CFAP68: variants seen among roughly 807,000 people sequenced by gnomAD.
CFAP68 encodes cilia- and flagella-associated protein 68.
chr11:111,882,554 T>C, the CFAP68 span: 2 of 1,613,304 alleles, frequency 1.2e-6, no homozygotes, highest in Non-Finnish European at 1.7e-6. Flanking sequence ...CCAGGAAAGA[T>C]ATGACCTGAG....
At chr11:111,883,135 G>A in the CFAP68 span, 2 of 1,573,366 alleles carry the variant, frequency 1.3e-6, no homozygotes, top group Non-Finnish European at 1.7e-6. Flanking sequence ...TTTCTTTCCA[G>A]TTTGGACACT....
At chr11:111,881,885 A>G in the CFAP68 span, among the ~76,000 whole-genome samples, 1 of 152,182 alleles carries the variant, frequency 6.6e-6, no homozygotes, top group East Asian at 1.9e-4. Flanking sequence ...GGAAAGATAA[A>G]GTTTTATGTG....
At chr11:111,882,401 C>G in the CFAP68 span, 2 of 1,614,072 alleles carry the variant, frequency 1.2e-6, no homozygotes, top group East Asian at 4.5e-5. Flanking sequence ...CACAAACCCA[C>G]ACTGTGGCAG....
chr11:111,884,032 A>G, the CFAP68 span: 122 of 562,326 alleles, frequency 2.2e-4, no homozygotes, highest in Non-Finnish European at 3.5e-4. Flanking sequence ...TCACTGTAAC[A>G]CAGTTTCACT....
chr11:111,885,324 T>C, the CFAP68 span: 1 of 151,910 alleles, frequency 6.6e-6, no homozygotes, highest in Non-Finnish European at 1.5e-5. Context: ...CCAAAAAAAA[T>C]TTTTTTAAAG....
the CFAP68 span, chr11:111,880,926 A>G: frequency 1.5e-5 from 6 of 387,836 alleles, no homozygotes; most frequent in Non-Finnish European, 3.1e-5. Flanking sequence ...AGATGATACA[A>G]TTATACTTTC....
chr11:111,880,986 G>A, the CFAP68 span: 1 of 329,690 alleles, frequency 3.0e-6, no homozygotes, highest in Non-Finnish European at 6.0e-6. Context: ...AGAGGAACAA[G>A]GCTGATGGCA....
At chr11:111,881,158 C>T in the CFAP68 span, 1 of 1,206,332 alleles carries the variant, frequency 8.3e-7, no homozygotes, top group Non-Finnish European at 1.0e-6. Flanking sequence ...CAAAGATAAG[C>T]CCCAGGCTTC....
chr11:111,879,813 C>T, the CFAP68 span, among the ~76,000 whole-genome samples: 1 of 152,022 alleles, frequency 6.6e-6, no homozygotes, highest in Non-Finnish European at 1.5e-5. Flanking sequence ...CACAGAAGAA[C>T]GTTACCAAGT....
chr11:111,884,484 A>AT, the CFAP68 span: 3 of 151,768 alleles, frequency 2.0e-5, no homozygotes, highest in Non-Finnish European at 4.4e-5. Flanking sequence ...AAAAAAAAAA[A>AT]AAAAAAAAGA....
At chr11:111,880,605 G>T in the CFAP68 span, among the ~76,000 whole-genome samples, 1 of 152,228 alleles carries the variant, frequency 6.6e-6, no homozygotes, top group African/African-American at 2.4e-5. Context: ...GGTCTAAAAA[G>T]TGGAGGTATG....
the CFAP68 span, chr11:111,881,159 C>G: frequency 1.6e-6 from 2 of 1,212,630 alleles, no homozygotes; most frequent in Middle Eastern, 3.4e-4. Flanking sequence ...AAAGATAAGC[C>G]CCAGGCTTCT....
the CFAP68 span, chr11:111,880,901 A>G: frequency 2.4e-6 from 1 of 413,118 alleles, no homozygotes; most frequent in Non-Finnish European, 4.8e-6. Context: ...AGCCACTGAA[A>G]GATTTTAAAT....
the CFAP68 span, chr11:111,881,104 A>C: frequency 1.2e-6 from 1 of 846,374 alleles, no homozygotes; most frequent in South Asian, 2.2e-5. Flanking sequence ...TTCAAAAATC[A>C]ACAAGACTTA....
At chr11:111,882,558 A>T in the CFAP68 span, 1 of 1,612,304 alleles carries the variant, frequency 6.2e-7, no homozygotes. Flanking sequence ...GAAAGATATG[A>T]CCTGAGGAAT....
At chr11:111,882,753 A>G in the CFAP68 span, among the ~76,000 whole-genome samples, 1 of 152,270 alleles carries the variant, frequency 6.6e-6, no homozygotes, top group South Asian at 2.1e-4. Context: ...CCGCAGCTGA[A>G]CCACCTATGC....
chr11:111,885,915 A>G, the CFAP68 span: 1 of 152,118 alleles, frequency 6.6e-6, no homozygotes, highest in East Asian at 1.9e-4. Flanking sequence ...TATTGAAAAG[A>G]CCATAATTTT....
the CFAP68 span, chr11:111,881,096 C>G: frequency 2.6e-6 from 2 of 765,550 alleles, no homozygotes; most frequent in East Asian, 7.4e-5. Flanking sequence ...CAGTCTGATT[C>G]AAAAATCAAC....
chr11:111,884,684 T>C, the CFAP68 span: 1 of 152,108 alleles, frequency 6.6e-6, no homozygotes, highest in Non-Finnish European at 1.5e-5. Context: ...CAAACGTAAC[T>C]TTTTAAAATT....
Sources: gnomAD v4.1 joint callset for allele counts (sites outside exome capture counted in the v4.1 genomes callset) on GRCh38, gnomAD v4.1.1 for gene constraint, MANE v1.5 for transcripts, NCBI Gene and HGNC (gene_info 2026-07-23, HGNC 2026-07-21) for gene names.